Variants in CCSER1 observed in about 807,000 individuals in gnomAD.
The protein encoded by CCSER1 is coiled-coil serine rich protein 1.
Under a neutral mutation model 82.0 loss-of-function variants are expected in CCSER1, and 41 were observed. The ratio of observed to expected loss-of-function variants is 0.50; its 90% CI spans 0.39 to 0.65. CCSER1 has a LOEUF of 0.65. Among genes scored for constraint, CCSER1 ranks in the 30% least tolerant of loss-of-function variants. CCSER1 has a pLI of 0.00. For synonymous variants in CCSER1, 414 were observed against 383.9 expected, an observed-to-expected ratio of 1.08 and a Z score of -0.92; for missense variants, 1,119 against 1,064.2, an observed-to-expected ratio of 1.05 and a Z score of -0.72.
intron 8 of CCSER1, among the ~76,000 whole-genome samples, chr4:90,827,233 G>T (rs1760586040): frequency 6.6e-6 from 1 of 152,188 alleles, no homozygotes; most frequent in South Asian, 2.1e-4. Flanking sequence ...TCTGGTCATT[G>T]TCATGATGAT....
intron 6 of CCSER1, among the ~76,000 whole-genome samples, chr4:90,641,453 T>A (rs1726499887): frequency 6.6e-6 from 1 of 152,288 alleles, no homozygotes; most frequent in Non-Finnish European, 1.5e-5. Flanking sequence ...TATATTTTCT[T>A]ACATTTTTTC....
rs192883708 is a variant in CCSER1, at chr4:90,504,531, C to T, written c.1724+36177C>T. 8.3e-4 allele frequency among the ~76,000 whole-genome samples: 126 copies of T among 152,248 alleles called. 3 individuals are homozygous for T. In the East Asian group the frequency reaches 0.023, roughly 28 times the overall value. ...AGCTTGATTTCTAATTTGAATTTTT[C>T]TGATTGCCTAAAAGACTGCCTAGTG... On this transcript the variant is annotated intron_variant, in intron 5 of 10. Transcript: ENST00000509176.
intron 10 of CCSER1, among the ~76,000 whole-genome samples, chr4:91,158,206 T>C (rs890616274): frequency 6.6e-6 from 1 of 152,014 alleles, no homozygotes; most frequent in Non-Finnish European, 1.5e-5. Flanking sequence ...ATCTCTCAGT[T>C]AGTATTAAAT....
chr4:90,855,069 G>A (rs905016204), intron 8 of CCSER1, among the ~76,000 whole-genome samples: 8 of 152,144 alleles, frequency 5.3e-5, no homozygotes, highest in Admixed American at 2.0e-4. Context: ...ACTCACTCAC[G>A]AGAACAGCAA....
Position 91,281,915 on chromosome 4 carries a change from A to C in CCSER1, c.2217+195921A>C, listed in dbSNP as rs926253691. Among the ~76,000 whole-genome samples, 40 of 152,180 alleles carry C rather than the reference A, an allele frequency of 2.6e-4. 1 individual carries two copies. The highest frequency in any genetic ancestry group is 6.4e-3 in the Middle Eastern group (2 of 314). On this transcript the variant is annotated intron_variant, in intron 10 of 10. Transcript: ENST00000509176. ...ATTACAGGCCTCAGAAATATTTTTC[A>C]AATAAATAGAAAACATGTGTTTTTA...
intron 7 of CCSER1, among the ~76,000 whole-genome samples, chr4:90,728,806 A>G (rs1744179499): frequency 6.6e-6 from 1 of 152,232 alleles, no homozygotes; most frequent in African/African-American, 2.4e-5. Context: ...TCCCTATTGT[A>G]TAAAATGAAG....
chr4:90,918,479 C>T lies in CCSER1; in HGVS notation c.2095-4891C>T, dbSNP rs142971221. On this transcript the variant is annotated intron_variant, in intron 8 of 10. Transcript: ENST00000509176. ...GACTTCATTTTAAAAGCCAGTTGTA[C>T]TGGCTTTGCCATGGCTTTGTCTTGG... 7.6e-3 allele frequency among the ~76,000 whole-genome samples: 1,151 copies of T among 152,038 alleles called. 10 individuals carry two copies. The highest frequency in any genetic ancestry group is 0.012 in the Non-Finnish European group (816 of 67,950).
At chr4:91,404,603 C>A (rs1752567411) in intron 10 of CCSER1, among the ~76,000 whole-genome samples, 1 of 152,102 alleles carries the variant, frequency 6.6e-6, no homozygotes, top group African/African-American at 2.4e-5. Flanking sequence ...TGTCTTTGTT[C>A]TCATTGGTTT....
At chr4:91,521,114 T>C (rs1294813506) in intron 10 of CCSER1, among the ~76,000 whole-genome samples, 1 of 152,184 alleles carries the variant, frequency 6.6e-6, no homozygotes, top group Admixed American at 6.5e-5. Context: ...ACTTCCCACT[T>C]ATGAGTGAGA....
intron 10 of CCSER1, among the ~76,000 whole-genome samples, chr4:91,542,601 G>A (rs1761662927): frequency 6.6e-6 from 1 of 152,156 alleles, no homozygotes; most frequent in South Asian, 2.1e-4. Context: ...TTTCCGTATA[G>A]TTGAGTGGTT....
In CCSER1 at chr4:90,714,397, C is replaced by T. The variant is rs145742177; in HGVS notation, c.1933-9517C>T. Among the ~76,000 whole-genome samples, 72 of 151,924 alleles carry T rather than the reference C, an allele frequency of 4.7e-4. No individual in the cohort carries two copies. The East Asian group carries it at 0.011, about 24-fold the overall frequency. ...GTTCTCAAGACTGTCAGTTAAATGTCGTTAATAAAACTAGAAAACAATTCT... is the reference window on the plus strand; with the variant it reads ...GTTCTCAAGACTGTCAGTTAAATGTTGTTAATAAAACTAGAAAACAATTCT... On this transcript the variant is annotated intron_variant, in intron 6 of 10. Transcript: ENST00000509176.
At chr4:90,637,249 T>G (rs990714212) in intron 6 of CCSER1, among the ~76,000 whole-genome samples, 1 of 152,174 alleles carries the variant, frequency 6.6e-6, no homozygotes, top group Non-Finnish European at 1.5e-5. Flanking sequence ...AGTTCTTCAC[T>G]GCTGGTGCTC....
intron 4 of CCSER1, among the ~76,000 whole-genome samples, chr4:90,436,946 A>G (rs1353255904): frequency 6.6e-6 from 1 of 151,702 alleles, no homozygotes; most frequent in East Asian, 2.0e-4. Flanking sequence ...AGCTGGGACT[A>G]CAGCCTCCCG....
intron 10 of CCSER1, among the ~76,000 whole-genome samples, chr4:91,249,131 A>G (rs969267601): frequency 2.2e-4 from 34 of 152,280 alleles, no homozygotes; most frequent in African/African-American, 7.7e-4. Context: ...GTGAATCAGA[A>G]ACTATTCTAA....
intron 5 of CCSER1, among the ~76,000 whole-genome samples, chr4:90,507,322 TAAG>T (rs1302863913): frequency 6.7e-6 from 1 of 148,956 alleles, no homozygotes; most frequent in African/African-American, 2.5e-5. Flanking sequence ...AAAAAAACAA[TAAG>T]AGGCTTGTAA....
chr4:91,348,872 A>T (rs1748254599), intron 10 of CCSER1, among the ~76,000 whole-genome samples: 1 of 151,852 alleles, frequency 6.6e-6, no homozygotes, highest in Admixed American at 6.6e-5. Context: ...GTTGAAACAG[A>T]TTTTGATTTT....
Position 90,233,186 on chromosome 4 carries a change from C to T in CCSER1, c.-41-75058C>T, listed in dbSNP as rs138292442. Among the ~76,000 whole-genome samples, 574 of 152,008 alleles carry T rather than the reference C, an allele frequency of 3.8e-3. 11 individuals are homozygous for T. In the East Asian group the frequency reaches 0.041, roughly 11 times the overall value. ...AGAGACATGACACGTATGTTTATTG[C>T]GGCATTATTCACAATAGCAAAGACT... On this transcript the variant is annotated intron_variant, in intron 1 of 10. Coordinates refer to ENST00000509176, the MANE Select transcript of CCSER1 (RefSeq NM_001145065.2).
intron 10 of CCSER1, among the ~76,000 whole-genome samples, chr4:91,335,278 C>T (rs1747240611): frequency 6.6e-6 from 1 of 152,164 alleles, no homozygotes; most frequent in Admixed American, 6.6e-5. Flanking sequence ...CCCCAGTGAA[C>T]TTGCCCACGC....
At chr4:91,100,734 C>T (rs951832380) in intron 10 of CCSER1, among the ~76,000 whole-genome samples, 5 of 152,138 alleles carry the variant, frequency 3.3e-5, no homozygotes, top group Non-Finnish European at 5.9e-5. Flanking sequence ...CTGTTTTTCA[C>T]ATCCTATATA....
Sources: gnomAD v4.1 joint callset for allele counts (sites outside exome capture counted in the v4.1 genomes callset) on GRCh38, gnomAD v4.1.1 for gene constraint, MANE v1.5 for transcripts, NCBI Gene and HGNC (gene_info 2026-07-23, HGNC 2026-07-21) for gene names.